Variants in RPH3A observed in about 807,000 individuals in gnomAD.
RPH3A encodes the protein rabphilin-3A.
A neutral mutation model predicts 102.2 loss-of-function variants in RPH3A; 48 were observed. The observed-to-expected ratio is 0.47, with a 90% CI of 0.37 to 0.60. The LOEUF (loss-of-function observed/expected upper bound fraction) is 0.60. Among genes scored for constraint, RPH3A ranks in the 20% least tolerant of loss-of-function variants. The pLI is 0.00. For missense variants in RPH3A, 781 were observed against 910.1 expected (o/e 0.86, Z 1.83); for synonymous variants, 310 against 324.3 (o/e 0.96, Z 0.47).
intron 1 of RPH3A, among the ~76,000 whole-genome samples, chr12:112,683,868 G>A (rs545489848): frequency 6.6e-6 from 1 of 152,250 alleles, no homozygotes; most frequent in East Asian, 1.9e-4. Flanking sequence ...GGAGAGAGGG[G>A]CAGGACATTG....
At chr12:112,649,693 A>G (rs2135996477) in intron 1 of RPH3A, among the ~76,000 whole-genome samples, 1 of 152,340 alleles carries the variant, frequency 6.6e-6, no homozygotes, top group Admixed American at 6.5e-5. Context: ...CATTTGTATT[A>G]GCCTGTTACG....
At position 112,727,390 on chromosome 12, in the gene RPH3A, CAAAA is replaced by C. The variant is rs3037265; in HGVS notation, c.-139-64739_-139-64736del. 1.7e-3 allele frequency among the ~76,000 whole-genome samples: 205 copies of C among 119,042 alleles called. 2 individuals carry two copies. Among genetic ancestry groups the C allele is most frequent in the African/African-American group, 2.8e-3 (88 of 31,010 alleles). 78.1% of individuals were successfully genotyped at this position (119,042 alleles called of 152,430 possible). ...TGGGCGACAGAGCAAGACTCTGCCT[CAAAA>C]AAAAAAAAAAAAATATATATATATA... On this transcript the variant is annotated intron_variant, in intron 1 of 21. Coordinates refer to the RPH3A transcript ENST00000543106.
At position 112,896,753 on chromosome 12, in the gene RPH3A, G is replaced by A. The variant is rs1397155766; in HGVS notation, c.2058G>A (p.Gln686=). Residue 686 remains glutamine, a synonymous_variant, in exon 22 of 22, where the codon CAG becomes CAA. Transcript: ENST00000389385. The stretch of plus-strand genomic sequence containing the variant: ...AGATAGAGCGCTGGCACCAGCTACA[G>A]AATGAGAACCACGTGTCAAGTGATT... ...DKKIERWHQL[Q]NENHVSSD is the part of the protein sequence containing the mutation. The A allele has an allele frequency of 6.2e-7, 1 of 1,614,114 alleles. No homozygotes were observed. Among genetic ancestry groups the A allele is most frequent in the Non-Finnish European group, 8.5e-7 (1 of 1,180,006 alleles).
chr12:112,873,025 T>A (rs1357522260), intron 10 of RPH3A, among the ~76,000 whole-genome samples: 1 of 152,232 alleles, frequency 6.6e-6, no homozygotes, highest in East Asian at 1.9e-4. Context: ...TAATTTATTA[T>A]GTTTCCAAAT....
intron 4 of RPH3A, among the ~76,000 whole-genome samples, chr12:112,846,057 G>A (rs1169071048): frequency 6.6e-6 from 1 of 152,166 alleles, no homozygotes; most frequent in Non-Finnish European, 1.5e-5. Context: ...GTGACCAGGG[G>A]GAGCAAGGGG....
Position 112,837,457 on chromosome 12 carries a change from C to T in RPH3A, c.83+955C>T, listed in dbSNP as rs1159929598. ...TTTTTTTGGAGAAAAATAACATTAT[C>T]AGGCCCAGAATGCTCTAAAGATTTA... is the stretch of plus-strand genomic sequence containing the variant. On this transcript the variant is annotated intron_variant, in intron 4 of 21. Transcript: ENST00000389385. 2.0e-5 allele frequency among the ~76,000 whole-genome samples: 3 copies of T among 151,986 alleles called. No individual in the cohort carries two copies. The East Asian group carries it at 5.8e-4, about 29-fold the overall frequency.
intron 5 of RPH3A, among the ~76,000 whole-genome samples, chr12:112,861,731 C>G (rs541245468): frequency 6.6e-6 from 1 of 152,080 alleles, no homozygotes; most frequent in African/African-American, 2.4e-5. Flanking sequence ...AGAATATCCC[C>G]GGCTGGGTGC....
intron 3 of RPH3A, among the ~76,000 whole-genome samples, chr12:112,829,580 C>G (rs2041935398): frequency 6.6e-6 from 1 of 152,164 alleles, no homozygotes; most frequent in South Asian, 2.1e-4. Flanking sequence ...CCTACAAAGG[C>G]TTTTTAGCAA....
At chr12:112,636,273 A>G (rs1592919040) in intron 1 of RPH3A, among the ~76,000 whole-genome samples, 1 of 152,220 alleles carries the variant, frequency 6.6e-6, no homozygotes. Flanking sequence ...AACAGGACCC[A>G]GAAATCACAC....
chr12:112,781,216 A>G (rs1370214744), intron 1 of RPH3A, among the ~76,000 whole-genome samples: 2 of 151,332 alleles, frequency 1.3e-5, no homozygotes, highest in Non-Finnish European at 2.9e-5. Flanking sequence ...ACAACAACAA[A>G]ACAAAAAAAA....
intron 1 of RPH3A, among the ~76,000 whole-genome samples, chr12:112,663,059 G>GGTGTGTGT (rs60392620): frequency 0.068 from 9,566 of 141,038 alleles, 382 homozygotes; most frequent in African/African-American, 0.096. Context: ...CTAAGTGATT[G>GGTGTGTGT]GTGTGTGTGT....
chr12:112,631,429 A>G (rs2039804111), intron 1 of RPH3A, among the ~76,000 whole-genome samples: 1 of 152,156 alleles, frequency 6.6e-6, no homozygotes, highest in Admixed American at 6.5e-5. Flanking sequence ...TCAATGGGGT[A>G]AGGGGTTCAG....
intron 21 of RPH3A, 80 bp from the exon 22 acceptor site, chr12:112,896,569 GT>G: frequency 1.3e-6 from 2 of 1,562,776 alleles, no homozygotes; most frequent in South Asian, 2.3e-5. Flanking sequence ...GCTTGGTGCA[GT>G]TTTTTCCCCA....
intron 14 of RPH3A, among the ~76,000 whole-genome samples, chr12:112,880,477 TAA>T (rs1025082911): frequency 1.3e-5 from 2 of 152,200 alleles, no homozygotes; most frequent in Non-Finnish European, 2.9e-5. Context: ...CTTAGAAAGT[TAA>T]AGTCTGAGCT....
At chr12:112,697,412 G>T (rs912071859) in intron 1 of RPH3A, among the ~76,000 whole-genome samples, 4 of 152,114 alleles carry the variant, frequency 2.6e-5, no homozygotes, top group African/African-American at 9.7e-5. Flanking sequence ...GACATAAAAT[G>T]CTGTAAAGAT....
intron 13 of RPH3A, among the ~76,000 whole-genome samples, chr12:112,877,832 G>A (rs941788789): frequency 6.6e-6 from 1 of 152,218 alleles, no homozygotes; most frequent in Admixed American, 6.5e-5. Context: ...GACATCAGAG[G>A]TAATAAAAGT....
At chr12:112,662,921 CT>C (rs1276714396) in intron 1 of RPH3A, among the ~76,000 whole-genome samples, 2 of 152,000 alleles carry the variant, frequency 1.3e-5, no homozygotes, top group Middle Eastern at 3.2e-3. Flanking sequence ...TCAGAGGAGA[CT>C]TCTCTGGGAT....
intron 1 of RPH3A, among the ~76,000 whole-genome samples, chr12:112,712,175 G>C (rs959915558): frequency 1.3e-5 from 2 of 152,146 alleles, no homozygotes; most frequent in African/African-American, 4.8e-5. Flanking sequence ...TCTGTCATCT[G>C]AATGCTGTAT....
chr12:112,640,814 G>A (rs2039884176), intron 1 of RPH3A, among the ~76,000 whole-genome samples: 1 of 152,116 alleles, frequency 6.6e-6, no homozygotes, highest in African/African-American at 2.4e-5. Flanking sequence ...AGTCTCTGAC[G>A]TCTCTTCCTC....
Sources: gnomAD v4.1 joint callset for allele counts (sites outside exome capture counted in the v4.1 genomes callset) on GRCh38, gnomAD v4.1.1 for gene constraint, MANE v1.5 for transcripts, NCBI Gene and HGNC (gene_info 2026-07-23, HGNC 2026-07-21) for gene names.